Variants in MOK observed in about 807,000 individuals in gnomAD.
The protein encoded by MOK is MAPK/MAK/MRK overlapping kinase.
In MOK, 59 loss-of-function variants were observed where a neutral mutation model predicts 54.2. The ratio of observed to expected loss-of-function variants is 1.09; its 90% confidence interval spans 0.88 to 1.35. The LOEUF (loss-of-function observed/expected upper bound fraction) is 1.35, where lower values mean the gene tolerates loss of function less well. MOK is among the 40% of genes most tolerant of loss of function. The pLI is 0.00. For missense variants in MOK, 517 were observed against 526.2 expected, an observed-to-expected ratio of 0.98 and a Z score of 0.17; for synonymous variants, 210 against 202.7, an observed-to-expected ratio of 1.04 and a Z score of -0.31.
rs200857713 is a variant in MOK, at chr14:102,229,269, G to C, written c.*20C>G. The C allele has an allele frequency of 2.4e-4, 378 of 1,569,500 alleles. 2 individuals carry two copies. The highest frequency in any genetic ancestry group is 6.0e-5 in the Non-Finnish European group (69 of 1,156,054). On this transcript the variant is annotated 3_prime_UTR_variant, in exon 12 of 12. Transcript: ENST00000361847. Reference sequence around the variant, plus strand: ...CGGGCTTGGTGTTGCCTCCGAAGTCGAGACGACGGTGCTGCTCAGTTATCT... The same window carrying C: ...CGGGCTTGGTGTTGCCTCCGAAGTCCAGACGACGGTGCTGCTCAGTTATCT...
At chr14:102,239,223 C>A (rs1315091918) in intron 7 of MOK, among the ~76,000 whole-genome samples, 2 of 152,096 alleles carry the variant, frequency 1.3e-5, no homozygotes, top group African/African-American at 4.8e-5. Context: ...GTCGAAAGGG[C>A]AAATGGAAAC....
In MOK at chr14:102,283,487, C is replaced by T. The variant is rs34114580; in HGVS notation, c.113G>A (p.Arg38His). 1,585 of 1,609,320 alleles carry T rather than the reference C, an allele frequency of 9.8e-4. 16 individuals carry two copies. The African/African-American group carries it at 0.017, about 17-fold the overall frequency. ...CATCTCTGTAGCCTACCTTTCAAAG[C>T]GCTGCTTCATTTGTTTACATGCATA... Reference protein sequence around the residue: ...NYYACKQMKQRFESIEQVNNL... With the variant: ...NYYACKQMKQHFESIEQVNNL... The change falls in exon 2 of 12, where the codon CGC becomes CAC. Residue 38 changes from arginine (R) to histidine (H), a missense_variant. Arg to His is a conservative substitution (Grantham distance 29, BLOSUM62 0). Transcript: ENST00000361847.
chr14:102,269,130 A>G (rs1237351194), intron 2 of MOK, among the ~76,000 whole-genome samples: 1 of 152,210 alleles, frequency 6.6e-6, no homozygotes, highest in Non-Finnish European at 1.5e-5. Context: ...ATGATAAAAA[A>G]AGAGTCAATA....
chr14:102,260,922 AC>A (rs1306902433), intron 4 of MOK, among the ~76,000 whole-genome samples: 2 of 151,510 alleles, frequency 1.3e-5, no homozygotes, highest in Admixed American at 6.6e-5. Flanking sequence ...GGAGATTGAG[AC>A]CATCCTGGCT....
intron 4 of MOK, among the ~76,000 whole-genome samples, chr14:102,260,836 C>CT (rs2067327884): frequency 6.6e-6 from 1 of 152,200 alleles, no homozygotes; most frequent in East Asian, 1.9e-4. Flanking sequence ...TACATATATT[C>CT]TAAGGCTGGG....
At chr14:102,273,280 CAAA>C (rs760362999) in intron 2 of MOK, among the ~76,000 whole-genome samples, 7 of 89,606 alleles carry the variant, frequency 7.8e-5, no homozygotes, top group African/African-American at 1.3e-4. Context: ...CATACTAGAA[CAAA>C]AAAAAAAAAA....
chr14:102,278,895 T>C (rs974282466), intron 2 of MOK, among the ~76,000 whole-genome samples: 10 of 152,226 alleles, frequency 6.6e-5, no homozygotes, highest in Non-Finnish European at 1.3e-4. Context: ...GAAAAACTGA[T>C]TTACATAGCA....
intron 1 of MOK, among the ~76,000 whole-genome samples, chr14:102,302,266 T>C (rs1469377056): frequency 6.8e-6 from 1 of 146,856 alleles, no homozygotes; most frequent in Non-Finnish European, 1.5e-5. Context: ...AGAGACGGGG[T>C]TTCACCATGT....
chr14:102,286,085 G>A (rs1264195631), intron 1 of MOK, among the ~76,000 whole-genome samples: 2 of 138,004 alleles, frequency 1.4e-5, no homozygotes, highest in African/African-American at 2.7e-5. Context: ...GGATCACGAG[G>A]TCAGAAGATC....
At chr14:102,250,690 A>G in intron 7 of MOK, 122 bp downstream of exon 7, 2 of 1,016,662 alleles carry the variant, frequency 2.0e-6, no homozygotes, top group South Asian at 3.5e-5. Context: ...TAAATTAAAA[A>G]CAGTAAAACA....
chr14:102,229,667 G>C lies in MOK; in HGVS notation c.982-10C>G. 1 of 1,587,542 alleles carries C rather than the reference G, an allele frequency of 6.3e-7. No homozygotes were observed. Among genetic ancestry groups the C allele is most frequent in the Middle Eastern group, 1.7e-4 (1 of 5,932 alleles). On this transcript the variant is annotated splice_polypyrimidine_tract_variant and intron_variant, in intron 10 of 11. Coordinates refer to ENST00000361847, the MANE Select transcript of MOK (RefSeq NM_014226.3). The stretch of plus-strand genomic sequence containing the variant: ...GCTTTAGGGACTGTTTCTTGAAACA[G>C]AACAGAGGCCAGTTGGACATAAAAC...
intron 2 of MOK, among the ~76,000 whole-genome samples, chr14:102,282,196 C>T (rs1039045756): frequency 6.6e-6 from 1 of 151,906 alleles, no homozygotes; most frequent in Non-Finnish European, 1.5e-5. Context: ...CACTTGAGCC[C>T]GGGAGTTCAT....
intron 4 of MOK, among the ~76,000 whole-genome samples, chr14:102,259,010 G>A (rs2067186983): frequency 1.3e-5 from 2 of 151,262 alleles, no homozygotes; most frequent in South Asian, 4.2e-4. Flanking sequence ...AGGATGCAGT[G>A]AGCTGAGATC....
chr14:102,267,148 A>C (rs1160349144), intron 2 of MOK, among the ~76,000 whole-genome samples: 2 of 152,244 alleles, frequency 1.3e-5, no homozygotes, highest in Non-Finnish European at 2.9e-5. Flanking sequence ...AAAGGAACTA[A>C]TTGTGGGACT....
At position 102,304,994 on chromosome 14, in the gene MOK, C is replaced by G. The variant is rs1319724109; in HGVS notation, c.-26G>C. On this transcript the variant is annotated 5_prime_UTR_variant, in exon 1 of 12. Transcript: ENST00000361847. ...CTTGGATGCGGAAGCCGGTGACAAC[C>G]CCTTGCCGACACTGGACGGAAAAGA... 2 of 1,609,772 alleles carry G rather than the reference C, an allele frequency of 1.2e-6. No homozygotes were observed. The highest frequency in any genetic ancestry group is 1.7e-6 in the Non-Finnish European group (2 of 1,178,408).
Position 102,263,576 on chromosome 14 carries a change from T to A in MOK, c.253A>T (p.Met85Leu). 6.2e-7 allele frequency: 1 copy of A among 1,606,984 alleles called. No homozygotes were observed. The highest frequency in any genetic ancestry group is 1.3e-5 in the African/African-American group (1 of 74,788). ...SGSLALICEL[M>L]DMNIYELIRG... ...ATTAGCTCATAAATATTCATGTCCA[T>A]AAGTTCACATATTAGTGCAAGAGAA... Residue 85 changes from methionine to leucine, a missense_variant, in exon 4 of 12, where the codon ATG becomes TTG. Met to Leu is a conservative substitution (Grantham distance 15). Transcript: ENST00000361847.
chr14:102,273,175 A>C (rs1252159896), intron 2 of MOK, among the ~76,000 whole-genome samples: 1 of 152,006 alleles, frequency 6.6e-6, no homozygotes, highest in East Asian at 1.9e-4. Flanking sequence ...GTCTCAAAAA[A>C]AAAAGTCATC....
At chr14:102,256,639 A>G (rs2066980220) in intron 4 of MOK, among the ~76,000 whole-genome samples, 1 of 151,890 alleles carries the variant, frequency 6.6e-6, no homozygotes, top group Non-Finnish European at 1.5e-5. Context: ...GTGCTCAAAT[A>G]ATCCTCCCGC....
Position 102,232,910 on chromosome 14 carries a change from G to A in MOK, c.693-202C>T, listed in dbSNP as rs1167059415. The A allele has an allele frequency of 1.1e-5, 5 of 449,526 alleles. No individual in the cohort carries two copies. The highest frequency in any genetic ancestry group is 3.7e-5 in the Admixed American group (1 of 26,714). The allele number at this position is 449,526 out of a possible 1,614,324, so 27.8% of individuals were successfully genotyped here. ...CTCTGTGTAGTAATGAGATATCCAC[G>A]GTTCATCGACCATAATAAACACACC... On this transcript the variant is annotated intron_variant, in intron 8 of 11. Coordinates refer to ENST00000361847, the MANE Select transcript of MOK (RefSeq NM_014226.3). The surrounding 1 kb of genome is among the most constrained non-coding windows in gnomAD (Gnocchi z 5.1).
Sources: gnomAD v4.1 joint callset for allele counts (sites outside exome capture counted in the v4.1 genomes callset) on GRCh38, gnomAD v4.1.1 for gene constraint, Gnocchi (gnomAD v3.1) non-coding constraint, MANE v1.5 for transcripts, NCBI Gene and HGNC (gene_info 2026-07-23, HGNC 2026-07-21) for gene names.